The following SLC9D1 variants were observed in gnomAD, a reference collection of about 807,000 sequenced individuals.
SLC9D1 encodes the protein solute carrier family 9 member D1.
chr13:113,505,207 C>G, the SLC9D1 span: 1 of 151,844 alleles, frequency 6.6e-6, no homozygotes, highest in Non-Finnish European at 1.5e-5. Context: ...GATATTAGTC[C>G]TTTGTCGGAT....
chr13:113,536,797 G>A, the SLC9D1 span, among the ~76,000 whole-genome samples: 1 of 152,216 alleles, frequency 6.6e-6, no homozygotes, highest in Non-Finnish European at 1.5e-5. Context: ...TTTCTGGAAG[G>A]TGCTTTCACT....
chr13:113,506,295 C>G, the SLC9D1 span, among the ~76,000 whole-genome samples: 1 of 107,460 alleles, frequency 9.3e-6, no homozygotes, highest in African/African-American at 4.6e-5. Context: ...CGCGTGCTGC[C>G]TGGCCTGTGG....
At chr13:113,501,796 A>G in the SLC9D1 span, 13 of 1,609,304 alleles carry the variant, frequency 8.1e-6, no homozygotes, top group African/African-American at 5.3e-5. Context: ...GTGGCTGGCT[A>G]TGTACAGCCA....
At chr13:113,548,241 G>T in the SLC9D1 span, 25 of 1,578,466 alleles carry the variant, frequency 1.6e-5, no homozygotes, top group Admixed American at 2.8e-4. Flanking sequence ...TCTCTGTTTC[G>T]TGTGTGTTTA....
the SLC9D1 span, chr13:113,496,157 C>T: frequency 9.1e-6 from 6 of 658,306 alleles, no homozygotes; most frequent in Middle Eastern, 4.2e-4. Context: ...GAAGGGAAGG[C>T]GTGAATGCTG....
chr13:113,542,937 T>C, the SLC9D1 span, among the ~76,000 whole-genome samples: 53,113 of 151,828 alleles, frequency 0.35, 10,047 homozygotes, highest in African/African-American at 0.49. Flanking sequence ...AGCAGGGGCT[T>C]CGTGACCTCC....
At chr13:113,503,972 A>C in the SLC9D1 span, 1 of 168,034 alleles carries the variant, frequency 6.0e-6, no homozygotes, top group East Asian at 1.7e-4. Context: ...TAATTAAAAG[A>C]CACTTTGTTT....
the SLC9D1 span, among the ~76,000 whole-genome samples, chr13:113,515,915 GA>G: frequency 9.2e-6 from 1 of 109,164 alleles, no homozygotes; most frequent in Non-Finnish European, 1.9e-5. Context: ...AAAAAAAAAA[GA>G]AATGCAGCTG....
the SLC9D1 span, among the ~76,000 whole-genome samples, chr13:113,523,369 T>G: frequency 7.9e-5 from 12 of 152,190 alleles, no homozygotes; most frequent in Non-Finnish European, 1.6e-4. Context: ...TACTTCATAT[T>G]GTTGAGTTGT....
At chr13:113,534,075 T>C in the SLC9D1 span, 1 of 1,608,856 alleles carries the variant, frequency 6.2e-7, no homozygotes, top group Non-Finnish European at 8.5e-7. Flanking sequence ...GAATCCTGGT[T>C]TTGATTGGTC....
the SLC9D1 span, among the ~76,000 whole-genome samples, chr13:113,506,923 C>A: frequency 6.6e-6 from 1 of 152,042 alleles, no homozygotes; most frequent in East Asian, 1.9e-4. Flanking sequence ...GAAGTGCCTG[C>A]TTGGTGGTGT....
chr13:113,503,535 T>G, the SLC9D1 span: 1 of 1,613,858 alleles, frequency 6.2e-7, no homozygotes, highest in Non-Finnish European at 8.5e-7. Flanking sequence ...ATTTGGGGTG[T>G]TTTTTACTCT....
At chr13:113,503,237 A>G in the SLC9D1 span, among the ~76,000 whole-genome samples, 1 of 152,320 alleles carries the variant, frequency 6.6e-6, no homozygotes, top group African/African-American at 2.4e-5. Context: ...AATTCTTAAT[A>G]AATCAGCTAA....
the SLC9D1 span, among the ~76,000 whole-genome samples, chr13:113,498,145 CA>C: frequency 6.6e-6 from 1 of 152,320 alleles, no homozygotes; most frequent in Admixed American, 6.5e-5. Flanking sequence ...TGTACGTACA[CA>C]AAAACCTTTC....
the SLC9D1 span, among the ~76,000 whole-genome samples, chr13:113,506,434 G>T: frequency 6.8e-6 from 1 of 147,280 alleles, no homozygotes; most frequent in Non-Finnish European, 1.5e-5. Context: ...CTGGCCTGTG[G>T]AGGAGCCTGT....
the SLC9D1 span, among the ~76,000 whole-genome samples, chr13:113,517,389 C>A: frequency 1.3e-5 from 2 of 152,096 alleles, no homozygotes; most frequent in Non-Finnish European, 2.9e-5. Context: ...CCCGCCACCA[C>A]GCCCGGCTAA....
chr13:113,510,354 G>C, the SLC9D1 span: 1 of 1,614,102 alleles, frequency 6.2e-7, no homozygotes, highest in Non-Finnish European at 8.5e-7. Flanking sequence ...TCATTTCCAC[G>C]TGTCTGTCCT....
At chr13:113,540,714 G>A in the SLC9D1 span, among the ~76,000 whole-genome samples, 2 of 152,232 alleles carry the variant, frequency 1.3e-5, no homozygotes, top group African/African-American at 4.8e-5. Context: ...GCTTTGCTGG[G>A]CGGAAGCTCC....
At chr13:113,515,790 C>G in the SLC9D1 span, among the ~76,000 whole-genome samples, 1 of 148,402 alleles carries the variant, frequency 6.7e-6, no homozygotes, top group African/African-American at 2.5e-5. Flanking sequence ...ACTCAAGAGG[C>G]TGAGGCAGAA....
Sources: gnomAD v4.1 joint callset for allele counts (sites outside exome capture counted in the v4.1 genomes callset) on GRCh38, gnomAD v4.1.1 for gene constraint, MANE v1.5 for transcripts, NCBI Gene and HGNC (gene_info 2026-07-23, HGNC 2026-07-21) for gene names.